PC: variants seen among roughly 807,000 people sequenced by gnomAD.
The protein encoded by PC is pyruvate carboxylase, mitochondrial.
In PC, 46 loss-of-function variants were observed where a neutral mutation model predicts 107.8. That is an observed-to-expected ratio of 0.43 (90% CI 0.34 to 0.55). PC has a LOEUF of 0.55. Ranked by LOEUF, PC falls within the 20% of genes least tolerant of loss-of-function variation. The pLI, the probability that PC is intolerant of heterozygous loss-of-function variation, is 0.04. For missense variants in PC, 1,241 were observed against 1,643.1 expected, an observed-to-expected ratio of 0.76 and a Z score of 4.23; for synonymous variants, 662 against 684.7, an observed-to-expected ratio of 0.97 and a Z score of 0.52.
chr11:66,956,641 T>C (rs139672611), intron 1 of PC, among the ~76,000 whole-genome samples: 89 of 152,282 alleles, frequency 5.8e-4, no homozygotes, highest in African/African-American at 2.1e-3. Flanking sequence ...TAAAACTTTC[T>C]AGCTGCTGAA....
At chr11:66,876,396 A>T (rs1946978947) in intron 3 of PC, among the ~76,000 whole-genome samples, 1 of 152,216 alleles carries the variant, frequency 6.6e-6, no homozygotes, top group African/African-American at 2.4e-5. Context: ...GGGTACGAGA[A>T]TTCTTTGTCT....
intron 3 of PC, among the ~76,000 whole-genome samples, chr11:66,915,518 A>C (rs1948443742): frequency 6.6e-6 from 1 of 152,230 alleles, no homozygotes; most frequent in South Asian, 2.1e-4. Context: ...GTTGTAGAGC[A>C]AAGGCAAGTC....
intron 3 of PC, among the ~76,000 whole-genome samples, chr11:66,935,101 T>C (rs192536772): frequency 2.6e-5 from 4 of 152,336 alleles, no homozygotes; most frequent in Non-Finnish European, 5.9e-5. Context: ...CCTCACAGCA[T>C]CCAGTAAGGA....
intron 3 of PC, among the ~76,000 whole-genome samples, chr11:66,874,918 G>GAGAAGCTGGGACCTGGATGGGT (rs1453059905): frequency 6.6e-6 from 1 of 152,188 alleles, no homozygotes; most frequent in Non-Finnish European, 1.5e-5. Context: ...CCTGGATGGG[G>GAGAAGCTGGGACCTGGATGGGT]AGAAGTCGGC....
rs371080535 is a variant in PC, at chr11:66,923,400, A to G, written c.-1+29030T>C. Among the ~76,000 whole-genome samples, 16 of 151,762 alleles carry G rather than the reference A, an allele frequency of 1.1e-4. No homozygotes were observed. In the East Asian group the frequency reaches 2.5e-3, roughly 24 times the overall value. Reference sequence around the variant, plus strand: ...CGTCTCAAAAAAAAAAAAAAAAAGAAGTCGTGCTAGGCACAGCTCCACCAC... The same window carrying G: ...CGTCTCAAAAAAAAAAAAAAAAAGAGGTCGTGCTAGGCACAGCTCCACCAC... On this transcript the variant is annotated intron_variant, in intron 3 of 22. Coordinates refer to ENST00000393960, the MANE Select transcript of PC (RefSeq NM_001040716.2).
At chr11:66,922,659 T>C (rs1948622962) in intron 3 of PC, among the ~76,000 whole-genome samples, 1 of 151,036 alleles carries the variant, frequency 6.6e-6, no homozygotes, top group African/African-American at 2.4e-5. Flanking sequence ...AAGTACCTGG[T>C]CTTCCTCCAC....
rs775125256 is a variant in PC at position 66,871,047 on chromosome 11, C to T, written c.633+5G>A. On this transcript the variant is annotated splice_donor_5th_base_variant and intron_variant, in intron 7 of 22. Transcript: ENST00000393960. The surrounding 1 kb of genome is among the most constrained non-coding windows in gnomAD (Gnocchi z 7.4). ...CTGCTCCCAGCCCTGGGCATCTTCA[C>T]TCACCTCGTAGCTGTGCACCACCCT... 1.4e-5 allele frequency: 22 copies of T among 1,613,900 alleles called. No homozygotes were observed. In the South Asian group the frequency reaches 2.2e-4, roughly 16 times the overall value.
intron 12 of PC, among the ~76,000 whole-genome samples, chr11:66,862,663 G>A (rs532708528): frequency 4.9e-4 from 75 of 152,364 alleles, no homozygotes; most frequent in African/African-American, 1.6e-3. Flanking sequence ...CACGGGACAC[G>A]TGCTGGCTTC....
At chr11:66,908,158 G>GAGGGCC (rs750835395) in intron 3 of PC, among the ~76,000 whole-genome samples, 2 of 152,246 alleles carry the variant, frequency 1.3e-5, no homozygotes, top group Admixed American at 6.5e-5. Flanking sequence ...ACAAAGAAGG[G>GAGGGCC]AGGGCCAGGG....
In PC at chr11:66,849,865, G is replaced by T; in HGVS notation, c.2899-6C>A. 1.9e-6 allele frequency: 3 copies of T among 1,613,616 alleles called. No homozygotes were observed. The highest frequency in any genetic ancestry group is 2.5e-6 in the Non-Finnish European group (3 of 1,180,010). ...CTTGGCAGGTCCTTCAGTACCTGGG[G>T]AGCAAAGCAGAGGATCAGTCCCAAG... is the stretch of plus-strand genomic sequence containing the variant. On this transcript the variant is annotated splice_region_variant and splice_polypyrimidine_tract_variant and intron_variant, in intron 20 of 22. Transcript: ENST00000393960.
rs867603133 is a variant in PC, at chr11:66,858,441, G to A, written c.1369-5058C>T. On this transcript the variant is annotated intron_variant, in intron 12 of 22. Coordinates refer to ENST00000393960, the MANE Select transcript of PC (RefSeq NM_001040716.2). This position sits in a 1 kb window ranked among gnomAD's most constrained non-coding sequence, Gnocchi z 5.9. The stretch of plus-strand genomic sequence containing the variant: ...CGCCCCCCTGGTGCTGAGCTTTAGC[G>A]GGAACCCCCTGCACTGCAACTGTGA... 6.4e-7 allele frequency: 1 copy of A among 1,552,472 alleles called. No individual in the cohort carries two copies. Among genetic ancestry groups the A allele is most frequent in the Non-Finnish European group, 8.7e-7 (1 of 1,155,324 alleles).
At position 66,858,291 on chromosome 11, in the gene PC, G is replaced by C; in HGVS notation, c.1369-4908C>G. 1 of 1,611,366 alleles carries C rather than the reference G, an allele frequency of 6.2e-7. No homozygotes were observed. Among genetic ancestry groups the C allele is most frequent in the East Asian group, 2.2e-5 (1 of 44,860 alleles). ...CAACCTGGACCATAACCTTATTGAC[G>C]CACTGCCCCCAGGCGCCTTCGCCCA... On this transcript the variant is annotated intron_variant, in intron 12 of 22. Transcript: ENST00000393960. This position sits in a 1 kb window ranked among gnomAD's most constrained non-coding sequence, Gnocchi z 5.9.
At chr11:66,875,228 CAG>C (rs202096584) in intron 3 of PC, among the ~76,000 whole-genome samples, 2,400 of 138,936 alleles carry the variant, frequency 0.017, 39 homozygotes, top group South Asian at 0.044. Context: ...GAGCCTCTGA[CAG>C]GGGGAAGCTA....
chr11:66,917,740 A>G (rs1438170968), intron 3 of PC, among the ~76,000 whole-genome samples: 1 of 152,212 alleles, frequency 6.6e-6, no homozygotes, highest in Non-Finnish European at 1.5e-5. Flanking sequence ...AAGGGTCTGG[A>G]AAACTCCTGG....
In PC at chr11:66,885,286, C is replaced by G. The variant is rs566432386; in HGVS notation, c.1-13127G>C. On this transcript the variant is annotated intron_variant, in intron 3 of 22. Coordinates refer to ENST00000393960, the MANE Select transcript of PC (RefSeq NM_001040716.2). ...GGCTGATCACCTGAGGTCAGGAGTT[C>G]AAGACTAGCCTGGCCAACAAGGCGA... Among the ~76,000 whole-genome samples the G allele has an allele frequency of 1.0e-3, 155 of 152,142 alleles. 1 individual carries two copies. Among genetic ancestry groups the G allele is most frequent in the African/African-American group, 3.7e-3 (155 of 41,512 alleles).
chr11:66,951,733 T>C (rs1042012641), intron 3 of PC, among the ~76,000 whole-genome samples: 1 of 151,684 alleles, frequency 6.6e-6, no homozygotes, highest in African/African-American at 2.4e-5. Flanking sequence ...CTACTAAAAA[T>C]ACAAAAATTA....
At chr11:66,929,846 A>C (rs1948804811) in intron 3 of PC, among the ~76,000 whole-genome samples, 2 of 152,186 alleles carry the variant, frequency 1.3e-5, no homozygotes, top group African/African-American at 4.8e-5. Context: ...AAGCATAGGC[A>C]AGCTGGCAAG....
In PC at chr11:66,863,626, G is replaced by A. The variant is rs1393699380; in HGVS notation, c.1368+148C>T. The A allele has an allele frequency of 5.9e-6, 5 of 842,180 alleles. No individual in the cohort carries two copies. In the East Asian group the frequency reaches 1.2e-4, roughly 21 times the overall value. 52.2% of individuals were successfully genotyped at this position (842,180 alleles called of 1,614,324 possible). A position where few individuals can be genotyped will look rare whatever the true frequency, so the allele number is the denominator to read the frequency against. ...AACAGCTGGAGTCTGGCGTGCAGCTGCAGCCAAGGAGAGCCACTGACCTCG... is the reference window on the plus strand; with the variant it reads ...AACAGCTGGAGTCTGGCGTGCAGCTACAGCCAAGGAGAGCCACTGACCTCG... On this transcript the variant is annotated intron_variant, in intron 12 of 22. Coordinates refer to ENST00000393960, the MANE Select transcript of PC (RefSeq NM_001040716.2).
intron 3 of PC, among the ~76,000 whole-genome samples, chr11:66,948,403 G>A (rs750830734): frequency 1.3e-5 from 2 of 152,080 alleles, no homozygotes; most frequent in Non-Finnish European, 2.9e-5. Flanking sequence ...AGAGTGAGGA[G>A]GCAGAGGGAG....
Sources: allele counts gnomAD v4.1 joint callset (sites outside exome capture counted in the v4.1 genomes callset), GRCh38; gene constraint gnomAD v4.1.1; non-coding constraint Gnocchi (gnomAD v3.1); transcripts MANE v1.5; gene names NCBI Gene and HGNC (gene_info 2026-07-23, HGNC 2026-07-21).